The following POU2F2 variants were observed in gnomAD, a reference collection of about 807,000 sequenced individuals.
The protein encoded by POU2F2 is POU class 2 homeobox 2.
A neutral mutation model predicts 63.5 loss-of-function variants in POU2F2; 14 were observed. That is an observed-to-expected ratio of 0.22 (90% CI 0.15 to 0.34). The LOEUF is 0.34. Ranked by LOEUF, POU2F2 falls within the 10% of genes least tolerant of loss-of-function variation. POU2F2 has a pLI of 1.00. For missense variants in POU2F2, 607 were observed against 815.2 expected (o/e 0.74, Z 3.11); for synonymous variants, 306 against 348.6 (o/e 0.88, Z 1.36).
At chr19:42,125,174 A>G (rs1279017558) in intron 1 of POU2F2, among the ~76,000 whole-genome samples, 1 of 152,094 alleles carries the variant, frequency 6.6e-6, no homozygotes, top group East Asian at 1.9e-4. Context: ...CCTGGGCAAC[A>G]TAGTGAAATC....
intron 2 of POU2F2, among the ~76,000 whole-genome samples, chr19:42,144,077 T>C (rs571801942): frequency 6.6e-6 from 1 of 152,344 alleles, no homozygotes; most frequent in African/African-American, 2.4e-5. Context: ...TGCACAAAAT[T>C]GGATTAATCA....
chr19:42,179,521 G>A (rs551397061), upstream of POU2F2, among the ~76,000 whole-genome samples: 2 of 152,034 alleles, frequency 1.3e-5, no homozygotes, highest in African/African-American at 4.8e-5. Flanking sequence ...GGGAACAGGA[G>A]GGGGAAGGCA....
chr19:42,122,442 C>G, intron 2 of POU2F2, 64 bp from the exon 3 acceptor site: 2 of 1,609,892 alleles, frequency 1.2e-6, no homozygotes, highest in Non-Finnish European at 1.7e-6. Flanking sequence ...CCCCTCCCAG[C>G]TCTCTTCCCA....
In POU2F2 at chr19:42,122,525, G is replaced by A. The variant is rs140322079; in HGVS notation, c.80C>T (p.Pro27Leu). 1.7e-5 allele frequency: 27 copies of A among 1,609,700 alleles called. 1 individual carries two copies. The highest frequency in any genetic ancestry group is 2.2e-5 in the Non-Finnish European group (26 of 1,177,990). The change falls in exon 2 of 15, where the codon CCA becomes CTA. Residue 27 changes from proline (P) to leucine (L), a missense_variant. Pro to Leu is a moderately conservative substitution (Grantham distance 98). Coordinates refer to ENST00000692977, the MANE Select transcript of POU2F2 (RefSeq NM_001394376.1). ...LEAEKQGLDSPSEHTDTERNG... is the reference protein window; with the variant it reads ...LEAEKQGLDSLSEHTDTERNG... ...TGCCCACCCACCTGTGTGCTCTGAT[G>A]GGGAGTCCAGACCTTGCTTCTCGGC...
intron 5 of POU2F2, among the ~76,000 whole-genome samples, chr19:42,111,726 C>T (rs2146507833): frequency 6.6e-6 from 1 of 152,280 alleles, no homozygotes. Flanking sequence ...CATCCTCACC[C>T]TCCTGGCTCA....
intron 2 of POU2F2, among the ~76,000 whole-genome samples, chr19:42,150,539 C>A (rs983113032): frequency 6.7e-6 from 1 of 149,074 alleles, no homozygotes; most frequent in African/African-American, 2.5e-5. Flanking sequence ...GAAACTGGAT[C>A]GATCGGGGCT....
chr19:42,162,432 T>C lies in POU2F2; in HGVS notation c.-69-2040A>G, dbSNP rs973683087. Among the ~76,000 whole-genome samples, 1 of 151,926 alleles carries C rather than the reference T, an allele frequency of 6.6e-6. No individual in the cohort carries two copies. Among genetic ancestry groups the C allele is most frequent in the Non-Finnish European group, 1.5e-5 (1 of 67,992 alleles). ...GCTATTTAGAAGATGTCTTCCCCCA[T>C]TGTACAGATGGGGACCCTGAGGAAC... On this transcript the variant is annotated intron_variant, in intron 1 of 6. Coordinates refer to the POU2F2 transcript ENST00000524801. This position sits in a 1 kb window ranked among gnomAD's most constrained non-coding sequence, Gnocchi z 4.1.
Position 42,156,584 on chromosome 19 carries a change from C to T in POU2F2, c.-9+3748G>A, listed in dbSNP as rs2034460522. The T allele has an allele frequency of 6.5e-6, 1 of 152,900 alleles. No homozygotes were observed. The highest frequency in any genetic ancestry group is 2.4e-5 in the African/African-American group (1 of 41,468). The allele number at this position is 152,900 out of a possible 1,614,324, so 9.5% of individuals were successfully genotyped here. ...CCCAGCCCAGCCATCCTTCAAGCCA[C>T]ATCTGGAATAGCACACACCCTATTC... On this transcript the variant is annotated intron_variant, in intron 2 of 6. Transcript: ENST00000524801. The surrounding 1 kb of genome is among the most constrained non-coding windows in gnomAD (Gnocchi z 4.1).
chr19:42,114,438 CG>C (rs1425586524), intron 5 of POU2F2, among the ~76,000 whole-genome samples: 1 of 151,950 alleles, frequency 6.6e-6, no homozygotes, highest in African/African-American at 2.4e-5. Flanking sequence ...GCAGACTTCC[CG>C]GGAAAAGAGA....
At chr19:42,116,940 G>C (rs780501722) in intron 5 of POU2F2, 1 of 572,776 alleles carries the variant, frequency 1.7e-6, no homozygotes, top group Non-Finnish European at 3.3e-6. Context: ...GCACGGCGGC[G>C]GCCAGGAGCT....
In POU2F2 at chr19:42,087,181, T is replaced by G. The variant is rs1599889731; in HGVS notation, c.*4076A>C. 1 of 152,006 alleles carries G rather than the reference T, an allele frequency of 6.6e-6. No homozygotes were observed. Among genetic ancestry groups the G allele is most frequent in the East Asian group, 1.9e-4 (1 of 5,186 alleles). The allele number at this position is 152,006 out of a possible 1,614,324, so 9.4% of individuals were successfully genotyped here. On this transcript the variant is annotated 3_prime_UTR_variant, in exon 15 of 15. Coordinates refer to ENST00000692977, the MANE Select transcript of POU2F2 (RefSeq NM_001394376.1). Reference sequence around the variant, plus strand: ...ATGGTTAAATCTTTGGTTTGTTTCTTTTTTCTCTTGGAGGCCTTTATCTCT... The same window carrying G: ...ATGGTTAAATCTTTGGTTTGTTTCTGTTTTCTCTTGGAGGCCTTTATCTCT...
At chr19:42,188,850 A>C (rs1310857150) in intron 1 of POU2F2, among the ~76,000 whole-genome samples, 1 of 144,540 alleles carries the variant, frequency 6.9e-6, no homozygotes, top group Admixed American at 7.0e-5. Flanking sequence ...AAGAAAGGGA[A>C]AGAGAGAGAA....
At chr19:42,091,687 A>T (rs1269151710) in intron 14 of POU2F2, 96 bp from the exon 15 acceptor site, 1 of 1,551,138 alleles carries the variant, frequency 6.4e-7, no homozygotes, top group East Asian at 2.4e-5. Flanking sequence ...CCATCTCCCC[A>T]TCGGTCCCAC....
chr19:42,120,101 G>C (rs2032416134), intron 4 of POU2F2, among the ~76,000 whole-genome samples: 3 of 152,056 alleles, frequency 2.0e-5, no homozygotes, highest in Non-Finnish European at 2.9e-5. Context: ...TGTAGAGACA[G>C]GGTCTCACTA....
intron 5 of POU2F2, among the ~76,000 whole-genome samples, chr19:42,104,895 G>A (rs973041827): frequency 6.6e-6 from 1 of 152,016 alleles, no homozygotes; most frequent in Non-Finnish European, 1.5e-5. Context: ...TGCTTATTCC[G>A]TGTATGGCAG....
intron 1 of POU2F2, among the ~76,000 whole-genome samples, chr19:42,167,668 CT>C (rs951171007): frequency 6.6e-6 from 1 of 152,088 alleles, no homozygotes; most frequent in African/African-American, 2.4e-5. Context: ...CAGACAGGCG[CT>C]AGCTCATACA....
chr19:42,128,164 GC>G (rs1189915654), intron 1 of POU2F2, among the ~76,000 whole-genome samples: 1 of 152,078 alleles, frequency 6.6e-6, no homozygotes, highest in Admixed American at 6.6e-5. Context: ...CTCCTCAGGA[GC>G]CCAGGCTGGA....
At chr19:42,147,818 G>A (rs575861950) in intron 2 of POU2F2, among the ~76,000 whole-genome samples, 38 of 152,316 alleles carry the variant, frequency 2.5e-4, no homozygotes, top group African/African-American at 7.9e-4. Flanking sequence ...CCTAGAGGAT[G>A]GGCAGGAGTC....
At chr19:42,114,341 G>C (rs968827625) in intron 5 of POU2F2, among the ~76,000 whole-genome samples, 9 of 152,136 alleles carry the variant, frequency 5.9e-5, no homozygotes, top group African/African-American at 2.2e-4. Flanking sequence ...CACGGCTGGG[G>C]GGAGGGAAGT....
Sources: gnomAD v4.1 joint callset for allele counts (sites outside exome capture counted in the v4.1 genomes callset) on GRCh38, gnomAD v4.1.1 for gene constraint, Gnocchi (gnomAD v3.1) non-coding constraint, MANE v1.5 for transcripts, NCBI Gene and HGNC (gene_info 2026-07-23, HGNC 2026-07-21) for gene names.